CNP: variants seen among roughly 807,000 people sequenced by gnomAD.
CNP encodes 2',3'-cyclic-nucleotide 3'-phosphodiesterase.
Under a neutral mutation model 37.9 loss-of-function variants are expected in CNP, and 8 were observed. That is an observed-to-expected ratio of 0.21 (90% CI 0.12 to 0.38). The LOEUF (loss-of-function observed/expected upper bound fraction) is 0.38, where lower values mean the gene tolerates loss of function less well. Among genes scored for constraint, CNP ranks in the 10% least tolerant of loss-of-function variants. The pLI, the probability that CNP is intolerant of heterozygous loss-of-function variation, is 1.00. For missense variants in CNP, 457 were observed against 551.0 expected, an observed-to-expected ratio of 0.83 and a Z score of 1.71; for synonymous variants, 237 against 238.3, an observed-to-expected ratio of 0.99 and a Z score of 0.05.
rs2051071304 is a variant in CNP, at chr17:41,976,020, A to T, written c.*2096A>T. 1 of 152,286 alleles carries T rather than the reference A, an allele frequency of 6.6e-6. No individual in the cohort carries two copies. The highest frequency in any genetic ancestry group is 2.4e-5 in the African/African-American group (1 of 41,428). The allele number at this position is 152,286 out of a possible 1,614,324, so 9.4% of individuals were successfully genotyped here. ...TCTGGGGGTCAGGAGGCAGGGTTTT[A>T]TCTCTGTCTACCATCTCCCTCGAAC... On this transcript the variant is annotated 3_prime_UTR_variant, in exon 4 of 4. Transcript: ENST00000393892.
rs935343790 is a variant in CNP, at chr17:41,968,784, C to G, written c.676+44C>G. ...CCTTATAAGCCCACCTTGCTGGGCA[C>G]AGGGTGCTGCGGGCAAAGGACCATC... is the stretch of plus-strand genomic sequence containing the variant. On this transcript the variant is annotated intron_variant, in intron 2 of 3. Transcript: ENST00000393892. This position sits in a 1 kb window ranked among gnomAD's most constrained non-coding sequence, Gnocchi z 4.8. 3 of 1,548,612 alleles carry G rather than the reference C, an allele frequency of 1.9e-6. No individual in the cohort carries two copies. Among genetic ancestry groups the G allele is most frequent in the Non-Finnish European group, 2.6e-6 (3 of 1,147,302 alleles).
chr17:41,976,563 T>G lies in CNP; in HGVS notation c.*2639T>G. On this transcript the variant is annotated 3_prime_UTR_variant, in exon 4 of 4. Transcript: ENST00000393892. The stretch of plus-strand genomic sequence containing the variant: ...CCTCCCCTGCCCTCGGTCTTCGGCA[T>G]TGGTTCCCTTTGCTCCACCCCACTC... 1 of 731,588 alleles carries G rather than the reference T, an allele frequency of 1.4e-6. No individual in the cohort carries two copies. Among genetic ancestry groups the G allele is most frequent in the Non-Finnish European group, 2.1e-6 (1 of 476,654 alleles). 45.3% of individuals were successfully genotyped at this position (731,588 alleles called of 1,614,324 possible). A position where few individuals can be genotyped will look rare whatever the true frequency, so the allele number is the denominator to read the frequency against.
chr17:41,968,502 G>A lies in CNP; in HGVS notation c.438G>A (p.Val146=). ...EMADQYQYQV[V]LVEPKTAWRL... ...CCGACCAGTACCAGTACCAGGTGGT[G>A]CTGGTGGAGCCCAAGACGGCGTGGC... Residue 146 remains valine, a synonymous_variant, in exon 2 of 4, where the codon GTG becomes GTA. Transcript: ENST00000393892. This position sits in a 1 kb window ranked among gnomAD's most constrained non-coding sequence, Gnocchi z 4.8. 1.2e-6 allele frequency: 2 copies of A among 1,614,168 alleles called. No homozygotes were observed. Among genetic ancestry groups the A allele is most frequent in the Non-Finnish European group, 1.7e-6 (2 of 1,180,036 alleles).
Position 41,975,913 on chromosome 17 carries a change from G to C in CNP, c.*1989G>C, listed in dbSNP as rs1031985671. ...GCAGTGTGTCTCCTGCATGCAGAAA[G>C]GGAGCAGAGAAGGCCAGGGGCTTTT... On this transcript the variant is annotated 3_prime_UTR_variant, in exon 4 of 4. Transcript: ENST00000393892. 6.6e-6 allele frequency: 1 copy of C among 152,276 alleles called. No homozygotes were observed. The highest frequency in any genetic ancestry group is 1.5e-5 in the Non-Finnish European group (1 of 68,128). The allele number at this position is 152,276 out of a possible 1,614,324, so 9.4% of individuals were successfully genotyped here.
chr17:41,966,842 G>C lies in CNP; in HGVS notation c.-43G>C, dbSNP rs926802160. 131 of 1,373,436 alleles carry C rather than the reference G, an allele frequency of 9.5e-5. No individual in the cohort carries two copies. The highest frequency in any genetic ancestry group is 1.2e-4 in the Non-Finnish European group (128 of 1,065,086). 85.1% of individuals were successfully genotyped at this position (1,373,436 alleles called of 1,614,324 possible). On this transcript the variant is annotated 5_prime_UTR_variant, in exon 1 of 4. Transcript: ENST00000393892. ...CCGCGCAGGCGGGCGGCCCCGGAGCGCTGGTGCCGGCAGAGGCGGCGACGG... is the reference window on the plus strand; with the variant it reads ...CCGCGCAGGCGGGCGGCCCCGGAGCCCTGGTGCCGGCAGAGGCGGCGACGG...
chr17:41,973,705 A>T lies in CNP; in HGVS notation c.1047A>T (p.Leu349Phe). Reference sequence around the variant, plus strand: ...CCGTGCAGACGGGCCTTGACCTCTTAGAGATTCTGCGGCAGGAGAAGGGGG... The same window carrying T: ...CCGTGCAGACGGGCCTTGACCTCTTTGAGATTCTGCGGCAGGAGAAGGGGG... Reference protein sequence around the residue: ...VEAVQTGLDLLEILRQEKGGS... With the variant: ...VEAVQTGLDLFEILRQEKGGS... The change falls in exon 4 of 4, where the codon TTA becomes TTT. Residue 349 changes from leucine (L) to phenylalanine (F), a missense_variant. Physicochemically the swap from Leu to Phe is conservative, Grantham distance 22 (BLOSUM62 0). Around this residue, in one of 2 missense-constraint regions of CNP, gnomAD observed 291 missense variants for 291.7 expected, o/e 1.00. Coordinates refer to ENST00000393892, the MANE Select transcript of CNP (RefSeq NM_033133.5). 6.2e-7 allele frequency: 1 copy of T among 1,612,516 alleles called. No homozygotes were observed. The highest frequency in any genetic ancestry group is 8.5e-7 in the Non-Finnish European group (1 of 1,178,948).
In CNP at chr17:41,968,356, G is replaced by C; in HGVS notation, c.292G>C (p.Glu98Gln). The change falls in exon 2 of 4, where the codon GAG becomes CAG. Residue 98 changes from glutamate to glutamine, a missense_variant. Around this residue, in one of 2 missense-constraint regions of CNP, gnomAD observed 166 missense variants for 259.3 expected, o/e 0.64. Coordinates refer to ENST00000393892, the MANE Select transcript of CNP (RefSeq NM_033133.5). This position sits in a 1 kb window ranked among gnomAD's most constrained non-coding sequence, Gnocchi z 4.8. ...CCCCGGCGCTCGAGGAGCCTTCTCC[G>C]AGGAGTACAAGCGGCTCGATGAGGA... ...ITPGARGAFS[E>Q]EYKRLDEDLA... The C allele has an allele frequency of 6.2e-7, 1 of 1,614,100 alleles. No individual in the cohort carries two copies. The highest frequency in any genetic ancestry group is 8.5e-7 in the Non-Finnish European group (1 of 1,180,010).
intron 2 of CNP, chr17:41,971,397 C>CTT (rs567987798): frequency 1.1e-4 from 15 of 139,044 alleles, no homozygotes; most frequent in East Asian, 2.1e-4. Context: ...AGAATTTTAA[C>CTT]TTTTTTTTTT....
In CNP at chr17:41,971,883, T is replaced by G. The variant is rs2144566238; in HGVS notation, c.677-9T>G. 1 of 1,613,662 alleles carries G rather than the reference T, an allele frequency of 6.2e-7. No individual in the cohort carries two copies. Among genetic ancestry groups the G allele is most frequent in the South Asian group, 1.1e-5 (1 of 91,044 alleles). On this transcript the variant is annotated splice_polypyrimidine_tract_variant and intron_variant, in intron 2 of 3. Transcript: ENST00000393892. Reference sequence around the variant, plus strand: ...CCCTGCCCTGACTGCACCCGTTTTCTCCCGGCAGTCGTCCCTGGGGATGAG... The same window carrying G: ...CCCTGCCCTGACTGCACCCGTTTTCGCCCGGCAGTCGTCCCTGGGGATGAG...
Position 41,967,984 on chromosome 17 carries a change from C to T in CNP, c.4-84C>T, listed in dbSNP as rs568134209. On this transcript the variant is annotated intron_variant, in intron 1 of 3. Coordinates refer to ENST00000393892, the MANE Select transcript of CNP (RefSeq NM_033133.5). ...GCACTGCCCCGCTTGGGAAGGCACC[C>T]ACAACCAGTCTAGGGACTAGGGGTA... The T allele has an allele frequency of 7.5e-5, 115 of 1,530,286 alleles. No homozygotes were observed. The African/African-American group carries it at 1.4e-3, about 19-fold the overall frequency. The allele number at this position is 1,530,286 out of a possible 1,614,324, so 94.8% of individuals were successfully genotyped here.
rs1322725875 is a variant in CNP at position 41,974,475 on chromosome 17, G to A, written c.*551G>A. On this transcript the variant is annotated 3_prime_UTR_variant, in exon 4 of 4. Transcript: ENST00000393892. ...CAGGGTCCTGCTATTTCCCAAGCTG[G>A]AGTGCAGTGGTGCGATCATGGCTCA... The A allele has an allele frequency of 6.5e-6, 1 of 153,274 alleles. No individual in the cohort carries two copies. The highest frequency in any genetic ancestry group is 1.4e-5 in the Non-Finnish European group (1 of 68,968). 9.5% of individuals were successfully genotyped at this position (153,274 alleles called of 1,614,324 possible).
In CNP at chr17:41,972,047, G is replaced by A; in HGVS notation, c.816+16G>A. Reference sequence around the variant, plus strand: ...TCAACAAGATGTGAGTCTTCCCCAGGGACACATGGGGGAGGTGGGAGGTTG... The same window carrying A: ...TCAACAAGATGTGAGTCTTCCCCAGAGACACATGGGGGAGGTGGGAGGTTG... On this transcript the variant is annotated intron_variant, in intron 3 of 3. Coordinates refer to ENST00000393892, the MANE Select transcript of CNP (RefSeq NM_033133.5). 2 of 1,612,570 alleles carry A rather than the reference G, an allele frequency of 1.2e-6. No individual in the cohort carries two copies. Among genetic ancestry groups the A allele is most frequent in the Non-Finnish European group, 1.7e-6 (2 of 1,178,916 alleles).
rs782475516 is a variant in CNP at position 41,976,853 on chromosome 17, A to T, written c.*2929A>T. ...TGCTCTGATTATGGAAAAGTCTTCAAGGGCTGCTTCAAACTCAAACACAGA... is the reference window on the plus strand; with the variant it reads ...TGCTCTGATTATGGAAAAGTCTTCATGGGCTGCTTCAAACTCAAACACAGA... On this transcript the variant is annotated 3_prime_UTR_variant, in exon 4 of 4. Coordinates refer to ENST00000393892, the MANE Select transcript of CNP (RefSeq NM_033133.5). 4.6e-6 allele frequency: 7 copies of T among 1,538,108 alleles called. No individual in the cohort carries two copies. Among genetic ancestry groups the T allele is most frequent in the Non-Finnish European group, 6.2e-6 (7 of 1,137,156 alleles).
intron 3 of CNP, 52 bp downstream of exon 3, chr17:41,972,083 G>A (rs1555643922): frequency 2.5e-6 from 4 of 1,597,316 alleles, no homozygotes; most frequent in African/African-American, 1.3e-5. Context: ...GGGGAGAAGG[G>A]GCTGCAGCAT....
intron 3 of CNP, among the ~76,000 whole-genome samples, chr17:41,972,649 G>A (rs947196125): frequency 2.0e-5 from 3 of 152,114 alleles, no homozygotes; most frequent in Non-Finnish European, 2.9e-5. Context: ...TAGCACAATC[G>A]TTTGTTTGTT....
rs2051108616 is a variant in CNP, at chr17:41,977,192, G to C, written c.*3268G>C. The C allele has an allele frequency of 6.8e-7, 1 of 1,466,758 alleles. No individual in the cohort carries two copies. The highest frequency in any genetic ancestry group is 9.3e-7 in the Non-Finnish European group (1 of 1,073,022). The allele number at this position is 1,466,758 out of a possible 1,614,324, so 90.9% of individuals were successfully genotyped here. A position where few individuals can be genotyped will look rare whatever the true frequency, so the allele number is the denominator to read the frequency against. On this transcript the variant is annotated 3_prime_UTR_variant, in exon 4 of 4. Coordinates refer to ENST00000393892, the MANE Select transcript of CNP (RefSeq NM_033133.5). Reference sequence around the variant, plus strand: ...CATGGGCCCCTCTGACTCCCAAAGAGCTGCCTAAGAGGCAATGAGTGTGTT... The same window carrying C: ...CATGGGCCCCTCTGACTCCCAAAGACCTGCCTAAGAGGCAATGAGTGTGTT...
In CNP at chr17:41,974,156, C is replaced by G; in HGVS notation, c.*232C>G. ...GGGCAGGGAGGCACCATTCAGGAACCTGGACCAAAGCTGACGAGGCTGGGC... is the reference window on the plus strand; with the variant it reads ...GGGCAGGGAGGCACCATTCAGGAACGTGGACCAAAGCTGACGAGGCTGGGC... On this transcript the variant is annotated 3_prime_UTR_variant, in exon 4 of 4. Coordinates refer to ENST00000393892, the MANE Select transcript of CNP (RefSeq NM_033133.5). The G allele has an allele frequency of 2.7e-6, 1 of 371,094 alleles. No homozygotes were observed. Among genetic ancestry groups the G allele is most frequent in the Non-Finnish European group, 4.7e-6 (1 of 211,394 alleles). 23.0% of individuals were successfully genotyped at this position (371,094 alleles called of 1,614,324 possible).
intron 1 of CNP, chr17:41,967,163 C>T (rs914318947): frequency 5.7e-6 from 2 of 349,942 alleles, no homozygotes; most frequent in Non-Finnish European, 1.0e-5. Context: ...GGGCCTGGGC[C>T]GGGAGCCCGG....
chr17:41,974,004 ATTTTTTTT>A lies in CNP; in HGVS notation c.*93_*100del. On this transcript the variant is annotated 3_prime_UTR_variant, in exon 4 of 4. Transcript: ENST00000393892. ...CTCTGTTTGATCCTTGTTTTGTGAC[ATTTTTTTT>A]TTTTTTTTTTTTACTCAAAGTTAAC... 6.0e-6 allele frequency: 5 copies of A among 838,214 alleles called. No homozygotes were observed. Among genetic ancestry groups the A allele is most frequent in the Non-Finnish European group, 6.3e-6 (4 of 629,994 alleles). 51.9% of individuals were successfully genotyped at this position (838,214 alleles called of 1,614,324 possible).
Sources: allele counts gnomAD v4.1 joint callset (sites outside exome capture counted in the v4.1 genomes callset), GRCh38; gene constraint gnomAD v4.1.1; regional missense constraint gnomAD v4.1.1; non-coding constraint Gnocchi (gnomAD v3.1); transcripts MANE v1.5; gene names NCBI Gene and HGNC (gene_info 2026-07-23, HGNC 2026-07-21).